The following TENT4B variants were observed in gnomAD, a reference collection of about 807,000 sequenced individuals.
TENT4B encodes terminal nucleotidyltransferase 4B.
Under a neutral mutation model 75.0 loss-of-function variants are expected in TENT4B, and 10 were observed. The observed-to-expected ratio is 0.13, with a 90% CI of 0.08 to 0.23. The LOEUF (loss-of-function observed/expected upper bound fraction) is 0.23. TENT4B is among the 10% of genes least tolerant of loss of function. The pLI is 1.00. For synonymous variants in TENT4B, 350 were observed against 357.7 expected (o/e 0.98, Z 0.24); for missense variants, 579 against 893.8 (o/e 0.65, Z 4.49).
At chr16:50,159,876 ACTTT>A (rs905258197) in intron 1 of TENT4B, among the ~76,000 whole-genome samples, 6 of 152,052 alleles carry the variant, frequency 3.9e-5, no homozygotes, top group African/African-American at 1.4e-4. Flanking sequence ...AACTAACTTA[ACTTT>A]CTTTGTTTTT....
intron 1 of TENT4B, among the ~76,000 whole-genome samples, chr16:50,159,974 C>T (rs1407250275): frequency 6.6e-6 from 1 of 152,106 alleles, no homozygotes; most frequent in African/African-American, 2.4e-5. Context: ...TCTTGGCTTA[C>T]TGCAACTTCA....
intron 1 of TENT4B, among the ~76,000 whole-genome samples, chr16:50,192,999 G>A (rs996897383): frequency 5.3e-5 from 8 of 152,130 alleles, no homozygotes; most frequent in Non-Finnish European, 1.2e-4. Context: ...GCCTGAACCC[G>A]AGGAAGTCAA....
chr16:50,196,106 C>T (rs966375001), intron 1 of TENT4B, among the ~76,000 whole-genome samples: 1 of 152,056 alleles, frequency 6.6e-6, no homozygotes, highest in African/African-American at 2.4e-5. Flanking sequence ...GTGGTAAATG[C>T]AACATATGTA....
At chr16:50,163,417 C>CT (rs559720798) in intron 1 of TENT4B, among the ~76,000 whole-genome samples, 1,877 of 132,958 alleles carry the variant, frequency 0.014, 14 homozygotes, top group Non-Finnish European at 0.018. Context: ...GATATAATTT[C>CT]TTTTTTTTTT....
chr16:50,195,181 C>G (rs539184297), intron 1 of TENT4B, among the ~76,000 whole-genome samples: 3 of 152,056 alleles, frequency 2.0e-5, no homozygotes, highest in Non-Finnish European at 4.4e-5. Context: ...TAGTTTGATT[C>G]ACAGGATTAT....
intron 1 of TENT4B, among the ~76,000 whole-genome samples, chr16:50,180,314 A>G (rs1310808026): frequency 6.6e-6 from 1 of 152,150 alleles, no homozygotes; most frequent in Non-Finnish European, 1.5e-5. Flanking sequence ...ATGGTTGGTC[A>G]GGTTGGTCTC....
intron 1 of TENT4B, among the ~76,000 whole-genome samples, chr16:50,189,843 G>A (rs561646454): frequency 6.6e-6 from 1 of 151,200 alleles, no homozygotes; most frequent in Non-Finnish European, 1.5e-5. Flanking sequence ...GGTCAGGAGT[G>A]AGGCAGGCAG....
chr16:50,191,326 A>G (rs2038634110), intron 1 of TENT4B, among the ~76,000 whole-genome samples: 1 of 152,060 alleles, frequency 6.6e-6, no homozygotes, highest in African/African-American at 2.4e-5. Flanking sequence ...CATTCCCCCC[A>G]GCAATGTACG....
chr16:50,198,960 C>T (rs1010485718), intron 1 of TENT4B, among the ~76,000 whole-genome samples: 8 of 152,158 alleles, frequency 5.3e-5, no homozygotes, highest in African/African-American at 1.9e-4. Flanking sequence ...TAATTGCTTA[C>T]GCAAAGGTGG....
rs949258840 is a variant in TENT4B, at chr16:50,230,613, T to C, written c.*1285T>C. The C allele has an allele frequency of 2.0e-6, 2 of 983,976 alleles. No individual in the cohort carries two copies. Among genetic ancestry groups the C allele is most frequent in the African/African-American group, 3.5e-5 (2 of 57,202 alleles). 61.0% of individuals were successfully genotyped at this position (983,976 alleles called of 1,614,324 possible). ...GTATTGCCTTATTAAGACCAAATACTTCTTGTCATCCCATTCTTTATCCTC... is the reference window on the plus strand; with the variant it reads ...GTATTGCCTTATTAAGACCAAATACCTCTTGTCATCCCATTCTTTATCCTC... On this transcript the variant is annotated 3_prime_UTR_variant, in exon 12 of 12. Transcript: ENST00000561678.
At chr16:50,214,091 A>G (rs752984862) in intron 2 of TENT4B, 130 bp from the exon 3 acceptor site, 81 of 664,498 alleles carry the variant, frequency 1.2e-4, no homozygotes, top group South Asian at 2.1e-4. Flanking sequence ...GTTAGAAAAA[A>G]ATGCTCTTGT....
intron 1 of TENT4B, among the ~76,000 whole-genome samples, chr16:50,184,849 C>T (rs2038495104): frequency 6.6e-6 from 1 of 152,038 alleles, no homozygotes; most frequent in Non-Finnish European, 1.5e-5. Flanking sequence ...GCCTCAGGCT[C>T]CTGAGTATCA....
At chr16:50,229,126 T>A (rs1346271673) in intron 11 of TENT4B, 26 bp from the exon 12 acceptor site, 1 of 1,610,190 alleles carries the variant, frequency 6.2e-7, no homozygotes, top group Non-Finnish European at 8.5e-7. Flanking sequence ...TACTGATGTC[T>A]TTGTGGTCGT....
At chr16:50,215,241 C>T (rs1407735067) in intron 3 of TENT4B, among the ~76,000 whole-genome samples, 1 of 152,134 alleles carries the variant, frequency 6.6e-6, no homozygotes, top group Admixed American at 6.5e-5. Context: ...AAATTTTAAT[C>T]TCTCCAGAAT....
chr16:50,197,059 A>T (rs1220203782), intron 1 of TENT4B, among the ~76,000 whole-genome samples: 1 of 151,440 alleles, frequency 6.6e-6, no homozygotes. Context: ...GTGAGATGTG[A>T]TTGTGCCACT....
intron 1 of TENT4B, among the ~76,000 whole-genome samples, chr16:50,158,381 C>T (rs1456814581): frequency 6.6e-6 from 1 of 152,248 alleles, no homozygotes; most frequent in African/African-American, 2.4e-5. Flanking sequence ...GCCACCATGC[C>T]TGGCCTGGCC....
intron 1 of TENT4B, among the ~76,000 whole-genome samples, chr16:50,171,086 T>C (rs2038198014): frequency 6.6e-6 from 1 of 152,114 alleles, no homozygotes; most frequent in South Asian, 2.1e-4. Context: ...TTTGACCCAC[T>C]GTGCCTAGTC....
At chr16:50,216,287 C>A in intron 4 of TENT4B, 92 bp downstream of exon 4, 1 of 1,451,962 alleles carries the variant, frequency 6.9e-7, no homozygotes, top group Non-Finnish European at 9.4e-7. Flanking sequence ...AGTTGCATTG[C>A]AAGTGAGTGA....
At chr16:50,227,551 C>G (rs1320837868) in intron 10 of TENT4B, among the ~76,000 whole-genome samples, 1 of 152,194 alleles carries the variant, frequency 6.6e-6, no homozygotes, top group Admixed American at 6.5e-5. Context: ...CATACTCTTT[C>G]ATTTTCTATA....
Sources: allele counts gnomAD v4.1 joint callset (sites outside exome capture counted in the v4.1 genomes callset), GRCh38; gene constraint gnomAD v4.1.1; transcripts MANE v1.5; gene names NCBI Gene and HGNC (gene_info 2026-07-23, HGNC 2026-07-21).